GSG1L: variants seen among roughly 807,000 people sequenced by gnomAD.
The protein encoded by GSG1L is GSG1 like.
Under a neutral mutation model 42.1 loss-of-function variants are expected in GSG1L, and 24 were observed. The observed-to-expected ratio is 0.57, with a 90% CI of 0.41 to 0.80. GSG1L has a LOEUF of 0.80. Ranked by LOEUF, GSG1L falls within the 30% of genes least tolerant of loss-of-function variation. The probability of loss-of-function intolerance (pLI) is 0.00; values close to 1 mark genes in which losing one functional copy is unlikely to be tolerated. For synonymous variants in GSG1L, 215 were observed against 203.5 expected (o/e 1.06, Z -0.48); for missense variants, 445 against 472.2 (o/e 0.94, Z 0.53).
chr16:28,061,490 C>G (rs1480197235), intron 1 of GSG1L, among the ~76,000 whole-genome samples: 1 of 152,130 alleles, frequency 6.6e-6, no homozygotes, highest in Non-Finnish European at 1.5e-5. Flanking sequence ...AGAAGAGAGA[C>G]AGAGGAGGCA....
At chr16:27,857,900 C>G (rs1370086642) in intron 3 of GSG1L, among the ~76,000 whole-genome samples, 1 of 152,006 alleles carries the variant, frequency 6.6e-6, no homozygotes, top group Admixed American at 6.6e-5. Context: ...TCTCGGAGGG[C>G]CCTGATCGGC....
rs1369877592 is a variant in GSG1L at position 28,059,872 on chromosome 16, T to C, written c.349+3204A>G. On this transcript the variant is annotated intron_variant, in intron 1 of 6. Coordinates refer to ENST00000447459, the MANE Select transcript of GSG1L (RefSeq NM_001109763.2). The surrounding 1 kb of genome is among the most constrained non-coding windows in gnomAD (Gnocchi z 4.4). The stretch of plus-strand genomic sequence containing the variant: ...AGGGTCTGGTGAAAGTGTGTCTGTT[T>C]AGGGCAGGCTGCAGTTTTCTTTGTG... 6.6e-6 allele frequency among the ~76,000 whole-genome samples: 1 copy of C among 152,206 alleles called. No individual in the cohort carries two copies. The highest frequency in any genetic ancestry group is 1.9e-4 in the East Asian group (1 of 5,200).
intron 2 of GSG1L, among the ~76,000 whole-genome samples, chr16:27,886,600 G>T (rs1406392621): frequency 6.6e-6 from 1 of 152,214 alleles, no homozygotes; most frequent in Non-Finnish European, 1.5e-5. Flanking sequence ...ACATAATGGG[G>T]ATATATCTAA....
chr16:28,027,280 C>A (rs539749897), intron 1 of GSG1L, among the ~76,000 whole-genome samples: 2 of 152,126 alleles, frequency 1.3e-5, no homozygotes, highest in East Asian at 1.9e-4. Context: ...TCCATTCACA[C>A]GCTGCAGGCC....
rs57543425 is a variant in GSG1L, at chr16:27,850,023, C to CTTTTTTTTTTTTT, written c.551-4975_551-4963dup. ...TTTGTGCCATATTCATTTGAAATGC[C>CTTTTTTTTTTTTT]TTTTTTTTTTTTTTTTTTTTTTGAG... is the stretch of plus-strand genomic sequence containing the variant. On this transcript the variant is annotated intron_variant, in intron 3 of 6. Transcript: ENST00000447459. Among the ~76,000 whole-genome samples the CTTTTTTTTTTTTT allele has an allele frequency of 4.0e-4, 28 of 70,074 alleles. 3 individuals are homozygous for CTTTTTTTTTTTTT. Among genetic ancestry groups the CTTTTTTTTTTTTT allele is most frequent in the Admixed American group, 6.8e-4 (3 of 4,390 alleles). The allele number at this position is 70,074 out of a possible 152,430, so 46.0% of individuals were successfully genotyped here. A position where few individuals can be genotyped will look rare whatever the true frequency, so the allele number is the denominator to read the frequency against.
At chr16:28,021,016 C>T (rs905896632) in intron 1 of GSG1L, among the ~76,000 whole-genome samples, 1 of 152,188 alleles carries the variant, frequency 6.6e-6, no homozygotes, top group African/African-American at 2.4e-5. Context: ...AAATAATCAG[C>T]AATTATTGCT....
In GSG1L at chr16:27,860,478, A is replaced by ATGTTCTC. The variant is rs1271599012; in HGVS notation, c.551-15424_551-15418dup. Among the ~76,000 whole-genome samples the ATGTTCTC allele has an allele frequency of 3.9e-5, 6 of 152,282 alleles. 1 individual carries two copies. The East Asian group carries it at 5.8e-4, about 15-fold the overall frequency. On this transcript the variant is annotated intron_variant, in intron 3 of 6. Transcript: ENST00000447459. Reference sequence around the variant, plus strand: ...ACAGCTGCTCCCCGTTGCAGACAAGATGTTCTCTGTTCTCTGTCCTCTGGC... The same window carrying ATGTTCTC: ...ACAGCTGCTCCCCGTTGCAGACAAGATGTTCTCTGTTCTCTGTTCTCTGTCCTCTGGC...
At chr16:28,009,441 A>G (rs574050281) in intron 1 of GSG1L, among the ~76,000 whole-genome samples, 9 of 152,040 alleles carry the variant, frequency 5.9e-5, no homozygotes, top group Non-Finnish European at 1.3e-4. Flanking sequence ...GTGGGAACAC[A>G]TGCATTTGTG....
At chr16:27,832,129 C>T (rs1384865557) in intron 4 of GSG1L, among the ~76,000 whole-genome samples, 2 of 152,082 alleles carry the variant, frequency 1.3e-5, no homozygotes, top group Non-Finnish European at 2.9e-5. Flanking sequence ...TATCTTTTTT[C>T]CTTTCATTTA....
Position 28,063,221 on chromosome 16 carries a change from G to A in GSG1L, c.204C>T (p.Ala68=), listed in dbSNP as rs1009928779. 5.1e-5 allele frequency: 64 copies of A among 1,252,276 alleles called. No homozygotes were observed. Among genetic ancestry groups the A allele is most frequent in the Non-Finnish European group, 6.4e-5 (64 of 1,003,794 alleles). The allele number at this position is 1,252,276 out of a possible 1,614,324, so 77.6% of individuals were successfully genotyped here. A position where few individuals can be genotyped will look rare whatever the true frequency, so the allele number is the denominator to read the frequency against. Residue 68 remains alanine (A), a synonymous_variant, in exon 1 of 7, where the codon GCC becomes GCT. Coordinates refer to ENST00000447459, the MANE Select transcript of GSG1L (RefSeq NM_001109763.2). This position sits in a 1 kb window ranked among gnomAD's most constrained non-coding sequence, Gnocchi z 5.8. ...NATANGTAAP[A]AAAAAATASG... ...AGGCGGTGGCGGCGGCGGCGGCGGC[G>A]GCGGGGGCGGCGGTGCCGTTGGCCG... is the stretch of plus-strand genomic sequence containing the variant.
chr16:27,828,397 G>C (rs1645343), intron 5 of GSG1L, among the ~76,000 whole-genome samples: 45,334 of 152,078 alleles, frequency 0.3, 7,031 homozygotes, highest in Admixed American at 0.41. Flanking sequence ...CCTCCTCCTG[G>C]AGCCATCACC....
chr16:27,849,197 C>CAAAA (rs538757457), intron 3 of GSG1L, among the ~76,000 whole-genome samples: 5 of 113,622 alleles, frequency 4.4e-5, no homozygotes, highest in African/African-American at 9.8e-5. Flanking sequence ...GCCTCTATCC[C>CAAAA]AAAAAGAAAA....
intron 3 of GSG1L, among the ~76,000 whole-genome samples, chr16:27,858,842 G>C (rs2083609431): frequency 3.9e-5 from 6 of 152,184 alleles, no homozygotes; most frequent in Admixed American, 3.9e-4. Flanking sequence ...AATAAATGCT[G>C]TGAAGGCAAA....
chr16:27,926,727 A>T (rs1011947766), intron 2 of GSG1L, among the ~76,000 whole-genome samples: 5 of 152,206 alleles, frequency 3.3e-5, no homozygotes, highest in African/African-American at 1.2e-4. Context: ...TAGATAAGGA[A>T]TCCCACTGGA....
At chr16:28,061,347 G>A (rs1052245239) in intron 1 of GSG1L, among the ~76,000 whole-genome samples, 2 of 152,180 alleles carry the variant, frequency 1.3e-5, no homozygotes, top group African/African-American at 4.8e-5. Flanking sequence ...AAACATTTGA[G>A]TGTTGAGTGT....
At chr16:27,791,623 C>G (rs970302745) in intron 6 of GSG1L, among the ~76,000 whole-genome samples, 156 bp from the exon 7 acceptor site, 1 of 151,990 alleles carries the variant, frequency 6.6e-6, no homozygotes, top group South Asian at 2.1e-4. Context: ...CCCAACACCA[C>G]CAGCTCTCCA....
chr16:28,048,429 C>T (rs1010853215), intron 1 of GSG1L, among the ~76,000 whole-genome samples: 4 of 151,888 alleles, frequency 2.6e-5, no homozygotes, highest in Non-Finnish European at 5.9e-5. Flanking sequence ...TAAGACAAGG[C>T]ACTGGGATTT....
intron 2 of GSG1L, among the ~76,000 whole-genome samples, chr16:27,919,638 A>G (rs957666404): frequency 1.3e-4 from 20 of 152,158 alleles, no homozygotes; most frequent in Admixed American, 9.2e-4. Context: ...GAAAACTCCA[A>G]TTGGCCAAGC....
At chr16:27,944,764 C>A (rs923376719) in intron 2 of GSG1L, among the ~76,000 whole-genome samples, 1 of 151,854 alleles carries the variant, frequency 6.6e-6, no homozygotes, top group African/African-American at 2.4e-5. Context: ...CTATAATTAG[C>A]AAATCTATAG....
Sources: allele counts gnomAD v4.1 joint callset (sites outside exome capture counted in the v4.1 genomes callset), GRCh38; gene constraint gnomAD v4.1.1; non-coding constraint Gnocchi (gnomAD v3.1); transcripts MANE v1.5; gene names NCBI Gene and HGNC (gene_info 2026-07-23, HGNC 2026-07-21).